Variants in TAF3 observed in about 807,000 individuals in gnomAD.
The protein encoded by TAF3 is TATA-box binding protein associated factor 3.
A neutral mutation model predicts 80.6 loss-of-function variants in TAF3; 7 were observed. The observed-to-expected ratio is 0.09, with a 90% CI of 0.05 to 0.16. The LOEUF is 0.16. Among genes scored for constraint, TAF3 ranks in the 10% least tolerant of loss-of-function variants. The pLI, the probability that TAF3 is intolerant of heterozygous loss-of-function variation, is 1.00. For missense variants in TAF3, 921 were observed against 1,140.2 expected (o/e 0.81, Z 2.77); for synonymous variants, 444 against 446.1 (o/e 1.00, Z 0.06).
In TAF3 at chr10:7,909,281, A is replaced by G. The variant is rs984739555; in HGVS notation, c.410-54639A>G. The stretch of plus-strand genomic sequence containing the variant: ...AGAGGGCTCTAGTTGATTCTTGTAC[A>G]TGCTGAAGTTTGAGAACTGTTGGTG... On this transcript the variant is annotated intron_variant, in intron 2 of 6. Transcript: ENST00000344293. Among the ~76,000 whole-genome samples, 5 of 152,200 alleles carry G rather than the reference A, an allele frequency of 3.3e-5. No homozygotes were observed. The East Asian group carries it at 9.6e-4, about 29-fold the overall frequency.
intron 3 of TAF3, among the ~76,000 whole-genome samples, chr10:7,967,716 G>A (rs72638741): frequency 0.057 from 8,641 of 152,220 alleles, 293 homozygotes; most frequent in East Asian, 0.14. Context: ...GCTTAGTACC[G>A]TATCTGACGC....
intron 2 of TAF3, among the ~76,000 whole-genome samples, chr10:7,841,951 G>A (rs866859625): frequency 2.0e-5 from 3 of 152,082 alleles, no homozygotes; most frequent in African/African-American, 7.2e-5. Flanking sequence ...GGCAGACTTG[G>A]TTGCTTATGT....
intron 2 of TAF3, among the ~76,000 whole-genome samples, chr10:7,945,718 G>C (rs1199049219): frequency 1.3e-5 from 2 of 152,098 alleles, no homozygotes; most frequent in Non-Finnish European, 2.9e-5. Context: ...CACACAGCTG[G>C]TCTTCCTCCT....
chr10:7,831,916 C>G (rs756030137), intron 2 of TAF3, among the ~76,000 whole-genome samples: 3 of 149,854 alleles, frequency 2.0e-5, no homozygotes, highest in Non-Finnish European at 4.4e-5. Context: ...TATAAAATTT[C>G]AGGTTACATT....
At chr10:7,882,917 T>C (rs1250764472) in intron 2 of TAF3, among the ~76,000 whole-genome samples, 1 of 152,264 alleles carries the variant, frequency 6.6e-6, no homozygotes, top group African/African-American at 2.4e-5. Context: ...GCTGTTTCTA[T>C]GTAGATACAT....
intron 2 of TAF3, among the ~76,000 whole-genome samples, chr10:7,869,521 C>G (rs1459931231): frequency 6.6e-6 from 1 of 151,158 alleles, no homozygotes; most frequent in Non-Finnish European, 1.5e-5. Context: ...TACATAGTTC[C>G]CTGTTGTGAC....
At chr10:7,976,279 C>T (rs1255773879) in intron 3 of TAF3, among the ~76,000 whole-genome samples, 6 of 149,658 alleles carry the variant, frequency 4.0e-5, no homozygotes, top group African/African-American at 1.5e-4. Context: ...TGGAGTCTTG[C>T]TCTGTCACCC....
intron 2 of TAF3, among the ~76,000 whole-genome samples, chr10:7,903,143 C>G (rs1354809217): frequency 6.6e-6 from 1 of 152,130 alleles, no homozygotes; most frequent in Non-Finnish European, 1.5e-5. Flanking sequence ...TCGCTTGAGC[C>G]TAGAAAGTCG....
chr10:7,975,432 A>G (rs1191402499), intron 3 of TAF3, among the ~76,000 whole-genome samples: 1 of 152,178 alleles, frequency 6.6e-6, no homozygotes, highest in Non-Finnish European at 1.5e-5. Flanking sequence ...AGTAAGCAAA[A>G]CGCGCATGGT....
At chr10:7,892,904 C>G (rs1837469832) in intron 2 of TAF3, among the ~76,000 whole-genome samples, 1 of 150,476 alleles carries the variant, frequency 6.6e-6, no homozygotes, top group Non-Finnish European at 1.5e-5. Context: ...ACTGCAACCT[C>G]TGCCTTCTGG....
At position 7,822,436 on chromosome 10, in the gene TAF3, G is replaced by A. The variant is rs561378059; in HGVS notation, c.167-1882G>A. Among the ~76,000 whole-genome samples the A allele has an allele frequency of 7.3e-5, 11 of 151,330 alleles. No homozygotes were observed. The East Asian group carries it at 7.8e-4, about 11-fold the overall frequency. On this transcript the variant is annotated intron_variant, in intron 1 of 6. Coordinates refer to ENST00000344293, the MANE Select transcript of TAF3 (RefSeq NM_031923.4). The stretch of plus-strand genomic sequence containing the variant: ...ACATTCAGTAAGAAGAAGAGTATTC[G>A]TTTTATTTATTTTCTTTTTTTAATG...
intron 2 of TAF3, among the ~76,000 whole-genome samples, chr10:7,878,808 A>C (rs1294362181): frequency 6.6e-6 from 1 of 152,022 alleles, no homozygotes; most frequent in Non-Finnish European, 1.5e-5. Flanking sequence ...GGCTCACTGC[A>C]ACCTTTGCCT....
chr10:7,972,734 C>T (rs1056528130), intron 3 of TAF3, among the ~76,000 whole-genome samples: 1 of 151,838 alleles, frequency 6.6e-6, no homozygotes, highest in African/African-American at 2.4e-5. Context: ...ATAAACAGAC[C>T]ATTTCTTGAT....
intron 4 of TAF3, among the ~76,000 whole-genome samples, chr10:8,005,272 A>C (rs1831980890): frequency 6.6e-6 from 1 of 152,038 alleles, no homozygotes; most frequent in Non-Finnish European, 1.5e-5. Flanking sequence ...ATCCCACCTT[A>C]CTTCCTCATA....
chr10:7,883,507 A>G (rs1167042910), intron 2 of TAF3, among the ~76,000 whole-genome samples: 1 of 152,156 alleles, frequency 6.6e-6, no homozygotes, highest in African/African-American at 2.4e-5. Context: ...CTCCTTTGTC[A>G]TTGATAGCTA....
intron 4 of TAF3, among the ~76,000 whole-genome samples, chr10:8,005,321 T>A (rs1178753452): frequency 6.6e-6 from 1 of 152,252 alleles, no homozygotes; most frequent in Non-Finnish European, 1.5e-5. Flanking sequence ...TTATTTTTTT[T>A]AAAGATAATT....
intron 2 of TAF3, among the ~76,000 whole-genome samples, chr10:7,904,167 C>T (rs1356724040): frequency 6.6e-6 from 1 of 151,708 alleles, no homozygotes; most frequent in East Asian, 2.0e-4. Flanking sequence ...TGTTCAGTCT[C>T]GCATAGTGGG....
In TAF3 at chr10:7,869,447, A is replaced by C. The variant is rs143337482; in HGVS notation, c.409+44887A>C. 3.7e-3 allele frequency among the ~76,000 whole-genome samples: 565 copies of C among 152,286 alleles called. 4 individuals carry two copies. Among genetic ancestry groups the C allele is most frequent in the South Asian group, 0.02 (95 of 4,830 alleles). ...CTTATTTTATTGTGAAGGTCTTTCC[A>C]TGTCTGTTAACTTATCCTCATGGGA... On this transcript the variant is annotated intron_variant, in intron 2 of 6. Coordinates refer to ENST00000344293, the MANE Select transcript of TAF3 (RefSeq NM_031923.4).
intron 3 of TAF3, among the ~76,000 whole-genome samples, chr10:7,969,176 A>G (rs945122632): frequency 8.6e-5 from 13 of 152,022 alleles, no homozygotes; most frequent in African/African-American, 2.9e-4. Flanking sequence ...ACAAAAACCT[A>G]TTTTTTAAAT....
Sources: gnomAD v4.1 joint callset for allele counts (sites outside exome capture counted in the v4.1 genomes callset) on GRCh38, gnomAD v4.1.1 for gene constraint, MANE v1.5 for transcripts, NCBI Gene and HGNC (gene_info 2026-07-23, HGNC 2026-07-21) for gene names.